PCDH15: variants seen among roughly 807,000 people sequenced by gnomAD.
PCDH15 encodes protocadherin-15.
Under a neutral mutation model 178.5 loss-of-function variants are expected in PCDH15, and 129 were observed. The observed-to-expected ratio is 0.72, with a 90% CI of 0.63 to 0.84. PCDH15 has a LOEUF of 0.84. Ranked by LOEUF, PCDH15 falls within the 40% of genes least tolerant of loss-of-function variation. The probability of loss-of-function intolerance (pLI) is 0.00; values close to 1 mark genes in which losing one functional copy is unlikely to be tolerated. For synonymous variants in PCDH15, 800 were observed against 732.0 expected (o/e 1.09, Z -1.50); for missense variants, 2,230 against 2,099.9 (o/e 1.06, Z -1.21).
chr10:54,612,631 A>G (rs559674548), intron 2 of PCDH15, among the ~76,000 whole-genome samples: 1 of 151,848 alleles, frequency 6.6e-6, no homozygotes, highest in African/African-American at 2.4e-5. Flanking sequence ...CTCTTTTTAT[A>G]TTCTAAACTA....
chr10:55,279,521 C>T (rs1036636048), intron 1 of PCDH15, among the ~76,000 whole-genome samples: 7 of 152,140 alleles, frequency 4.6e-5, no homozygotes, highest in African/African-American at 1.7e-4. Flanking sequence ...CATACCTACA[C>T]AGGGTCCACA....
intron 8 of PCDH15, among the ~76,000 whole-genome samples, chr10:54,241,262 T>A (rs2055260831): frequency 6.6e-6 from 1 of 152,216 alleles, no homozygotes; most frequent in Non-Finnish European, 1.5e-5. Flanking sequence ...TCTGTCGTCC[T>A]CATTTCTCCT....
At chr10:54,873,765 T>G (rs1470254748) in intron 3 of PCDH15, among the ~76,000 whole-genome samples, 2 of 147,322 alleles carry the variant, frequency 1.4e-5, no homozygotes, top group Non-Finnish European at 3.0e-5. Context: ...TATACGTGTG[T>G]GTGTGTGTTG....
intron 8 of PCDH15, among the ~76,000 whole-genome samples, chr10:54,239,858 G>T (rs1225366645): frequency 3.3e-5 from 5 of 152,016 alleles, no homozygotes; most frequent in Non-Finnish European, 7.4e-5. Flanking sequence ...AAGGTGAAAA[G>T]AATGATTTCT....
At chr10:54,622,571 A>G (rs183931252) in intron 2 of PCDH15, among the ~76,000 whole-genome samples, 898 of 78,062 alleles carry the variant, frequency 0.012, 4 homozygotes, top group Non-Finnish European at 0.016. Flanking sequence ...ACCTGTGTGT[A>G]TATATATATA....
intron 2 of PCDH15, chr10:54,655,477 G>C (rs1381528996): frequency 2.1e-5 from 3 of 143,960 alleles, no homozygotes; most frequent in African/African-American, 7.8e-5. Context: ...GTGTGTTTTA[G>C]CAGAAAGAGA....
chr10:54,346,873 C>T (rs1588953905), intron 5 of PCDH15, among the ~76,000 whole-genome samples: 1 of 152,112 alleles, frequency 6.6e-6, no homozygotes, highest in Non-Finnish European at 1.5e-5. Flanking sequence ...TTAAAATAAA[C>T]GATTTACGAG....
At chr10:54,785,187 ACTT>A (rs1162145465) in intron 1 of PCDH15, among the ~76,000 whole-genome samples, 2 of 151,946 alleles carry the variant, frequency 1.3e-5, no homozygotes, top group African/African-American at 4.8e-5. Context: ...TTGGAAAATA[ACTT>A]CTTGTTCTCA....
intron 3 of PCDH15, among the ~76,000 whole-genome samples, chr10:54,433,060 C>T (rs577341733): frequency 1.3e-5 from 2 of 152,038 alleles, no homozygotes; most frequent in East Asian, 3.9e-4. Flanking sequence ...ATCCAAAAAA[C>T]AGGCACTAAT....
At chr10:53,927,255 T>C (rs2084645640) in intron 25 of PCDH15, among the ~76,000 whole-genome samples, 1 of 152,100 alleles carries the variant, frequency 6.6e-6, no homozygotes, top group Admixed American at 6.5e-5. Flanking sequence ...TTGTCAAAGA[T>C]AATAAGTAAT....
intron 2 of PCDH15, among the ~76,000 whole-genome samples, chr10:55,428,534 T>C (rs1157319298): frequency 1.3e-5 from 2 of 151,864 alleles, no homozygotes; most frequent in African/African-American, 4.8e-5. Context: ...TACATACATA[T>C]GTATATATAA....
rs59953769 is a variant in PCDH15, at chr10:54,380,643, G to GTATATATATATATATATA, written c.158-1719_158-1702dup. On this transcript the variant is annotated intron_variant, in intron 3 of 37. Coordinates refer to ENST00000644397, the MANE Select transcript of PCDH15 (RefSeq NM_001384140.1). ...AAATCTTCTGATTGTGTGTATGCAT[G>GTATATATATATATATATA]TATATATATATATATATATATATAT... Among the ~76,000 whole-genome samples, 36 of 15,290 alleles carry GTATATATATATATATATA rather than the reference G, an allele frequency of 2.4e-3. 4 individuals carry two copies. The highest frequency in any genetic ancestry group is 6.1e-3 in the African/African-American group (29 of 4,760). 10.0% of individuals were successfully genotyped at this position (15,290 alleles called of 152,430 possible). A position where few individuals can be genotyped will look rare whatever the true frequency, so the allele number is the denominator to read the frequency against.
intron 2 of PCDH15, among the ~76,000 whole-genome samples, chr10:55,530,259 A>G (rs1461063943): frequency 1.3e-5 from 2 of 151,928 alleles, no homozygotes; most frequent in Admixed American, 6.6e-5. Flanking sequence ...CCTCATCCCT[A>G]TACAATTCTC....
At chr10:54,541,800 G>A (rs900434064) in intron 2 of PCDH15, among the ~76,000 whole-genome samples, 3 of 152,066 alleles carry the variant, frequency 2.0e-5, no homozygotes, top group African/African-American at 7.2e-5. Context: ...GAGGCTCAGA[G>A]GAAATTCTTA....
chr10:54,159,383 T>C (rs1433090907), intron 13 of PCDH15, among the ~76,000 whole-genome samples: 1 of 152,138 alleles, frequency 6.6e-6, no homozygotes, highest in Non-Finnish European at 1.5e-5. Flanking sequence ...CCAGTCTTCA[T>C]TGGATGTACC....
chr10:54,118,443 G>A (rs1275775576), intron 15 of PCDH15, among the ~76,000 whole-genome samples: 2 of 152,094 alleles, frequency 1.3e-5, no homozygotes, highest in East Asian at 1.9e-4. Flanking sequence ...GGCGGATCAC[G>A]AGGTCAGGAG....
rs369187838 is a variant in PCDH15 at position 54,609,407 on chromosome 10, G to T, written c.91+54765C>A. ...CAGGAAAAGGCATTTGTAGTATACT[G>T]CTCCATTACCTATGCTTCATAAAAA... is the stretch of plus-strand genomic sequence containing the variant. On this transcript the variant is annotated intron_variant, in intron 2 of 37. Coordinates refer to ENST00000644397, the MANE Select transcript of PCDH15 (RefSeq NM_001384140.1). Among the ~76,000 whole-genome samples, 20 of 152,098 alleles carry T rather than the reference G, an allele frequency of 1.3e-4. No individual in the cohort carries two copies. In the East Asian group the frequency reaches 2.1e-3, roughly 16 times the overall value.
intron 9 of PCDH15, among the ~76,000 whole-genome samples, chr10:54,229,648 C>T (rs2053848297): frequency 6.6e-6 from 1 of 152,152 alleles, no homozygotes; most frequent in African/African-American, 2.4e-5. Flanking sequence ...GAGTTTCCTT[C>T]ACAAGCTCTC....
At chr10:54,494,845 A>G (rs1327032673) in intron 3 of PCDH15, among the ~76,000 whole-genome samples, 1 of 151,636 alleles carries the variant, frequency 6.6e-6, no homozygotes, top group Admixed American at 6.6e-5. Context: ...AAGGAAGGAC[A>G]AGAAGTAAAA....
Sources: gnomAD v4.1 joint callset for allele counts (sites outside exome capture counted in the v4.1 genomes callset) on GRCh38, gnomAD v4.1.1 for gene constraint, MANE v1.5 for transcripts, NCBI Gene and HGNC (gene_info 2026-07-23, HGNC 2026-07-21) for gene names.